PGK1: variants seen among roughly 807,000 people sequenced by gnomAD.
PGK1 encodes PRP 2.
PGK1 carries 3 observed loss-of-function variants against 26.9 expected under a neutral mutation model. The ratio of observed to expected loss-of-function variants is 0.11; its 90% CI spans 0.05 to 0.29. The LOEUF is 0.29. Ranked by LOEUF, PGK1 falls within the 10% of genes least tolerant of loss-of-function variation. The pLI, the probability that PGK1 is intolerant of heterozygous loss-of-function variation, is 1.00. For synonymous variants in PGK1, 125 were observed against 115.3 expected, an observed-to-expected ratio of 1.08 and a Z score of -0.54; for missense variants, 270 against 314.7, an observed-to-expected ratio of 0.86 and a Z score of 1.07.
rs2078396349 is a variant in PGK1, at chrX:78,129,217, G to GTTCCTATCTATCTATCTATCTATC, written c.*3388_*3389insTCCTATCTATCTATCTATCTATCT. ...CTGCATAAAGAGCATACCCATGTGT[G>GTTCCTATCTATCTATCTATCTATC]TACCTATCTATCTATCTATCTATCT... On this transcript the variant is annotated 3_prime_UTR_variant, in exon 11 of 11. Transcript: ENST00000373316. The GTTCCTATCTATCTATCTATCTATC allele has an allele frequency of 1.7e-5, 1 of 58,127 alleles. No homozygotes were observed. The highest frequency in any genetic ancestry group is 9.3e-5 in the African/African-American group (1 of 10,791). 4.8% of individuals were successfully genotyped at this position (58,127 alleles called of 1,213,427 possible).
intron 4 of PGK1, among the ~76,000 whole-genome samples, chrX:78,116,585 A>G (rs782197777): frequency 3.3e-4 from 37 of 111,726 alleles, no homozygotes; most frequent in African/African-American, 1.1e-3. Context: ...TCTTTGCTTA[A>G]TCTCCTGCCA....
chrX:78,108,902 A>G (rs2078285262), intron 1 of PGK1, among the ~76,000 whole-genome samples: 1 of 112,013 alleles, frequency 8.9e-6, no homozygotes, highest in Non-Finnish European at 1.9e-5. Flanking sequence ...TGACTTACTA[A>G]TTCTCTCAGT....
At position 78,104,401 on chromosome X, in the gene PGK1, A is replaced by C; in HGVS notation, c.61A>C (p.Met21Leu). The change falls in exon 1 of 11, where the codon ATG (methionine) becomes CTG (leucine). Residue 21 changes from methionine to leucine, a missense_variant. Coordinates refer to ENST00000373316, the MANE Select transcript of PGK1 (RefSeq NM_000291.4). ...KLDVKGKRVV[M>L]RVDFNVPMKN... ...GGACGTTAAAGGGAAGCGGGTCGTTATGAGGTAATTCTGCACGTTTGCCCG... is the reference window on the plus strand; with the variant it reads ...GGACGTTAAAGGGAAGCGGGTCGTTCTGAGGTAATTCTGCACGTTTGCCCG... 8.4e-7 allele frequency: 1 copy of C among 1,193,226 alleles called. No homozygotes were observed. The highest frequency in any genetic ancestry group is 1.1e-6 in the Non-Finnish European group (1 of 878,487).
In PGK1 at chrX:78,105,961, CCT is replaced by C. The variant is rs1302791903; in HGVS notation, c.65+1557_65+1558del. 2.7e-5 allele frequency among the ~76,000 whole-genome samples: 3 copies of C among 111,963 alleles called. No individual in the cohort carries two copies. The East Asian group carries it at 8.4e-4, about 31-fold the overall frequency. ...GTTTTAATTAGTTCCTTGCATCTCC[CCT>C]GTGTTCGACGCTGATTCTTCCAGAT... On this transcript the variant is annotated intron_variant, in intron 1 of 10. Coordinates refer to ENST00000373316, the MANE Select transcript of PGK1 (RefSeq NM_000291.4).
At chrX:78,115,080 G>A (rs1468380744) in intron 4 of PGK1, among the ~76,000 whole-genome samples, 2 of 111,212 alleles carry the variant, frequency 1.8e-5, no homozygotes, top group Non-Finnish European at 3.8e-5. Context: ...CAAAGATGCT[G>A]GTCTTGCCTT....
At position 78,128,193 on chromosome X, in the gene PGK1, G is replaced by C. The variant is rs1326586241; in HGVS notation, c.*2363G>C. The C allele has an allele frequency of 8.8e-6, 1 of 113,112 alleles. No homozygotes were observed. Among genetic ancestry groups the C allele is most frequent in the Admixed American group, 9.3e-5 (1 of 10,734 alleles). The allele number at this position is 113,112 out of a possible 1,213,427, so 9.3% of individuals were successfully genotyped here. On this transcript the variant is annotated 3_prime_UTR_variant, in exon 11 of 11. Transcript: ENST00000373316. The stretch of plus-strand genomic sequence containing the variant: ...GGGAATATAAGAGCATTTATGTTCT[G>C]AAGGAATTTTTAACCTAACCAAAGA...
rs1557248476 is a variant in PGK1 at position 78,124,926 on chromosome X, G to C, written c.989G>C (p.Arg330Pro). ...AAGAAGTATGCTGAGGCTGTCACTC[G>C]GGCTAAGCAGATTGTGTGGAATGGT... ...SSKKYAEAVT[R>P]AKQIVWNGPV... Residue 330 changes from arginine (R) to proline (P), a missense_variant, in exon 9 of 11, where the codon CGG (arginine) becomes CCG (proline). Coordinates refer to ENST00000373316, the MANE Select transcript of PGK1 (RefSeq NM_000291.4). 4.1e-6 allele frequency: 5 copies of C among 1,208,703 alleles called. No individual in the cohort carries two copies. Among genetic ancestry groups the C allele is most frequent in the East Asian group, 3.0e-5 (1 of 33,814 alleles).
chrX:78,122,297 G>A (rs2078358881), intron 6 of PGK1, among the ~76,000 whole-genome samples: 1 of 111,063 alleles, frequency 9.0e-6, no homozygotes, highest in South Asian at 3.8e-4. Context: ...TATTTATTTA[G>A]TATACAGTCC....
chrX:78,117,466 T>G (rs781940112), intron 5 of PGK1, 51 bp downstream of exon 5: 1 of 814,875 alleles, frequency 1.2e-6, no homozygotes, highest in Non-Finnish European at 1.9e-6. Flanking sequence ...TCCTATTTAC[T>G]TGAGTAGCCC....
chrX:78,106,426 T>C (rs1323870603), intron 1 of PGK1: 2 of 746,497 alleles, frequency 2.7e-6, no homozygotes, highest in African/African-American at 2.3e-5. Flanking sequence ...TGATTATTAA[T>C]GTATTTCTTT....
intron 6 of PGK1, 28 bp downstream of exon 6, chrX:78,118,198 T>C: frequency 8.3e-7 from 1 of 1,205,029 alleles, no homozygotes; most frequent in South Asian, 1.8e-5. Flanking sequence ...AGATCATGCT[T>C]TAAGTATTGT....
At position 78,126,011 on chromosome X, in the gene PGK1, T is replaced by C. The variant is rs1557248656; in HGVS notation, c.*181T>C. The stretch of plus-strand genomic sequence containing the variant: ...CAGCTCATCTTCACTGCACCCTGGA[T>C]TTGCATACATTCTTCAAGATCCCAT... On this transcript the variant is annotated 3_prime_UTR_variant, in exon 11 of 11. Transcript: ENST00000373316. The C allele has an allele frequency of 1.6e-5, 8 of 492,439 alleles. No homozygotes were observed. In the Admixed American group the frequency reaches 2.0e-4, roughly 13 times the overall value. 40.6% of individuals were successfully genotyped at this position (492,439 alleles called of 1,213,427 possible). A position where few individuals can be genotyped will look rare whatever the true frequency, so the allele number is the denominator to read the frequency against.
chrX:78,108,922 GTAGA>G (rs2078285525), intron 1 of PGK1, among the ~76,000 whole-genome samples: 1 of 111,981 alleles, frequency 8.9e-6, no homozygotes, highest in South Asian at 3.7e-4. Context: ...TAACTACGAG[GTAGA>G]TACTGTCATC....
chrX:78,121,974 G>A (rs1375003756), intron 6 of PGK1, among the ~76,000 whole-genome samples: 1 of 112,343 alleles, frequency 8.9e-6, no homozygotes, highest in Non-Finnish European at 1.9e-5. Flanking sequence ...GCCAAGGCAG[G>A]AGGATCACTT....
intron 1 of PGK1, 22 bp from the exon 2 acceptor site, chrX:78,109,845 G>A: frequency 8.8e-7 from 1 of 1,134,922 alleles, no homozygotes; most frequent in Admixed American, 2.2e-5. Context: ...GTTGATCATG[G>A]TCTTGCATCT....
chrX:78,120,649 C>T (rs1323849278), intron 6 of PGK1, among the ~76,000 whole-genome samples: 1 of 110,172 alleles, frequency 9.1e-6, no homozygotes, highest in Non-Finnish European at 1.9e-5. Flanking sequence ...CATGCATCAC[C>T]ATGCCTGGCT....
intron 2 of PGK1, among the ~76,000 whole-genome samples, chrX:78,110,983 T>TATA (rs2078298081): frequency 4.2e-5 from 3 of 70,686 alleles, no homozygotes; most frequent in Admixed American, 3.8e-4. Flanking sequence ...TTTGTAGATT[T>TATA]TATATATATA....
rs1557247566 is a variant in PGK1 at position 78,117,408 on chromosome X, G to A, written c.514G>A (p.Ala172Thr). The A allele has an allele frequency of 8.8e-7, 1 of 1,133,673 alleles. No homozygotes were observed. Among genetic ancestry groups the A allele is most frequent in the Admixed American group, 2.2e-5 (1 of 45,941 alleles). 93.4% of individuals were successfully genotyped at this position (1,133,673 alleles called of 1,213,427 possible). ...TGATGCTTTTGGCACTGCTCACAGAGCCCACAGGTACCAAGAACCTTGTAG... is the reference window on the plus strand; with the variant it reads ...TGATGCTTTTGGCACTGCTCACAGAACCCACAGGTACCAAGAACCTTGTAG... ...VNDAFGTAHR[A>T]HSSMVGVNLP... Residue 172 changes from alanine (A) to threonine (T), a missense_variant, in exon 5 of 11, where the codon GCC (alanine) becomes ACC (threonine). Ala to Thr is a moderately conservative substitution (Grantham distance 58). Coordinates refer to ENST00000373316, the MANE Select transcript of PGK1 (RefSeq NM_000291.4).
chrX:78,113,919 G>A lies in PGK1; in HGVS notation c.272+20G>A, dbSNP rs782495267. 6 of 1,208,673 alleles carry A rather than the reference G, an allele frequency of 5.0e-6. No homozygotes were observed. The African/African-American group carries it at 8.7e-5, about 18-fold the overall frequency. On this transcript the variant is annotated intron_variant, in intron 3 of 10. Transcript: ENST00000373316. ...GGGCAAGTAAGTGCCAGGCTCTGGT[G>A]CTGGTAGACTTTGTGGCGGGGGAAG...
Sources: allele counts gnomAD v4.1 joint callset (sites outside exome capture counted in the v4.1 genomes callset), GRCh38; gene constraint gnomAD v4.1.1; transcripts MANE v1.5; gene names NCBI Gene and HGNC (gene_info 2026-07-23, HGNC 2026-07-21).